The following VPS13A variants were observed in gnomAD, a reference collection of about 807,000 sequenced individuals.
VPS13A encodes the protein intermembrane lipid transfer protein VPS13A.
A neutral mutation model predicts 390.9 loss-of-function variants in VPS13A; 264 were observed. The ratio of observed to expected loss-of-function variants is 0.68; its 90% CI spans 0.61 to 0.75. VPS13A has a LOEUF of 0.75. Among genes scored for constraint, VPS13A ranks in the 30% least tolerant of loss-of-function variants. VPS13A has a pLI of 0.00. For synonymous variants in VPS13A, 1,231 were observed against 1,227.1 expected (o/e 1.00, Z -0.07); for missense variants, 3,409 against 3,733.9 (o/e 0.91, Z 2.27).
chr9:77,351,481 C>T, intron 53 of VPS13A, 35 bp downstream of exon 53: 1 of 1,608,296 alleles, frequency 6.2e-7, no homozygotes, highest in Non-Finnish European at 8.5e-7. Flanking sequence ...TCCCAGCAGC[C>T]TTTTTTAAAA....
chr9:77,184,807 A>C (rs114809060), intron 1 of VPS13A, among the ~76,000 whole-genome samples: 3,029 of 152,102 alleles, frequency 0.02, 66 homozygotes, highest in African/African-American at 0.055. Context: ...TATGTTTAGC[A>C]CTCAGTATCT....
chr9:77,278,571 A>G (rs1167730427), intron 26 of VPS13A, among the ~76,000 whole-genome samples: 1 of 152,228 alleles, frequency 6.6e-6, no homozygotes, highest in Non-Finnish European at 1.5e-5. Flanking sequence ...CAATGAATGA[A>G]TAAATGTGTA....
In VPS13A at chr9:77,286,794, C is replaced by A. The variant is rs114426511; in HGVS notation, c.3339+3144C>A. Among the ~76,000 whole-genome samples the A allele has an allele frequency of 5.7e-3, 873 of 152,162 alleles. 12 individuals carry two copies. The highest frequency in any genetic ancestry group is 0.02 in the African/African-American group (839 of 41,494). On this transcript the variant is annotated intron_variant, in intron 31 of 71. Transcript: ENST00000360280. ...TCTTGTTCTTAGGCTAGTTAGTTTC[C>A]GTTGAGAAAAATACTATTAAGTATA...
chr9:77,326,821 GT>G (rs1201320145), intron 45 of VPS13A, among the ~76,000 whole-genome samples: 1 of 151,972 alleles, frequency 6.6e-6, no homozygotes, highest in African/African-American at 2.4e-5. Context: ...CATTCTTCCT[GT>G]TTCTTTTAGA....
chr9:77,292,794 G>A lies in VPS13A; in HGVS notation c.3340-547G>A, dbSNP rs181399684. Among the ~76,000 whole-genome samples, 253 of 152,194 alleles carry A rather than the reference G, an allele frequency of 1.7e-3. 1 individual carries two copies. The highest frequency in any genetic ancestry group is 5.2e-3 in the East Asian group (27 of 5,180). On this transcript the variant is annotated intron_variant, in intron 31 of 71. Transcript: ENST00000360280. Reference sequence around the variant, plus strand: ...CACCATTTTTAACTGTTATTGCAGAGCTTGAGATTTTTAACCACTGTAGGT... The same window carrying A: ...CACCATTTTTAACTGTTATTGCAGAACTTGAGATTTTTAACCACTGTAGGT...
Position 77,356,707 on chromosome 9 carries a change from A to C in VPS13A, c.7653-7A>C, listed in dbSNP as rs1308688691. The C allele has an allele frequency of 6.2e-7, 1 of 1,604,426 alleles. No individual in the cohort carries two copies. On this transcript the variant is annotated splice_region_variant and splice_polypyrimidine_tract_variant and intron_variant, in intron 54 of 71. Coordinates refer to ENST00000360280, the MANE Select transcript of VPS13A (RefSeq NM_033305.3). The stretch of plus-strand genomic sequence containing the variant: ...TAAATACTATGATTTTTGCTTTCTT[A>C]AATAAGTTCTGATGTGGTTTGGGAA...
At chr9:77,178,743 C>T (rs1226180053) in intron 1 of VPS13A, among the ~76,000 whole-genome samples, 3 of 152,092 alleles carry the variant, frequency 2.0e-5, no homozygotes, top group East Asian at 1.9e-4. Flanking sequence ...TTTAAACACC[C>T]GCTAGAAATT....
intron 2 of VPS13A, among the ~76,000 whole-genome samples, chr9:77,200,464 G>T (rs1416977378): frequency 6.6e-6 from 1 of 152,148 alleles, no homozygotes; most frequent in Non-Finnish European, 1.5e-5. Context: ...ACTCCAGCCT[G>T]GGTGACAGAG....
At chr9:77,254,190 G>A (rs997860806) in intron 22 of VPS13A, among the ~76,000 whole-genome samples, 32 of 151,972 alleles carry the variant, frequency 2.1e-4, no homozygotes, top group Non-Finnish European at 1.5e-4. Context: ...TGATCCGCCC[G>A]CCTCGGCCTC....
chr9:77,219,164 C>CA (rs1554863045), intron 10 of VPS13A, among the ~76,000 whole-genome samples: 2 of 146,428 alleles, frequency 1.4e-5, no homozygotes, highest in African/African-American at 5.0e-5. Flanking sequence ...ATTTCTTCTG[C>CA]TTTTTTTTTT....
intron 24 of VPS13A, among the ~76,000 whole-genome samples, chr9:77,274,737 T>C (rs1310461889): frequency 2.6e-5 from 4 of 152,096 alleles, no homozygotes; most frequent in Admixed American, 6.6e-5. Context: ...AATTGATAAA[T>C]GTTAAATAAC....
At chr9:77,212,631 C>T (rs1826032653) in intron 7 of VPS13A, among the ~76,000 whole-genome samples, 2 of 152,240 alleles carry the variant, frequency 1.3e-5, no homozygotes, top group South Asian at 4.2e-4. Context: ...CCACTGCACC[C>T]AATGATACCT....
chr9:77,359,493 A>T (rs886429947), intron 58 of VPS13A, 91 bp downstream of exon 58: 1 of 1,128,510 alleles, frequency 8.9e-7, no homozygotes, highest in Non-Finnish European at 1.3e-6. Context: ...GGACAAGTCA[A>T]AGATTTAAGC....
At chr9:77,289,688 A>G (rs762227314) in intron 31 of VPS13A, among the ~76,000 whole-genome samples, 18 of 151,576 alleles carry the variant, frequency 1.2e-4, no homozygotes, top group Admixed American at 2.0e-4. Context: ...TTTTCTAAAG[A>G]TGTTTTATAT....
chr9:77,288,649 A>C (rs761304078), intron 31 of VPS13A, among the ~76,000 whole-genome samples: 1 of 152,132 alleles, frequency 6.6e-6, no homozygotes, highest in Non-Finnish European at 1.5e-5. Flanking sequence ...GTTCGTTTAA[A>C]TTTGTTGATG....
intron 71 of VPS13A, among the ~76,000 whole-genome samples, chr9:77,415,092 A>G (rs1438045504): frequency 1.3e-5 from 2 of 152,244 alleles, no homozygotes; most frequent in Admixed American, 1.3e-4. Context: ...ACCAGTCTTC[A>G]TATGCTTGTC....
chr9:77,374,769 T>C (rs1157310560), intron 67 of VPS13A, among the ~76,000 whole-genome samples: 1 of 152,214 alleles, frequency 6.6e-6, no homozygotes, highest in Non-Finnish European at 1.5e-5. Context: ...AGTTTCTTTA[T>C]TGTTACCTGT....
chr9:77,380,023 CT>C (rs1258083533), intron 67 of VPS13A, among the ~76,000 whole-genome samples: 1 of 151,876 alleles, frequency 6.6e-6, no homozygotes, highest in Non-Finnish European at 1.5e-5. Context: ...GTATTTGGGG[CT>C]TCTTTTATTA....
intron 35 of VPS13A, 22 bp downstream of exon 35, chr9:77,308,120 T>G (rs1396597949): frequency 6.2e-7 from 1 of 1,612,960 alleles, no homozygotes; most frequent in East Asian, 2.2e-5. Context: ...ACTTCAAATT[T>G]CTTTCTGCTT....
Sources: allele counts gnomAD v4.1 joint callset (sites outside exome capture counted in the v4.1 genomes callset), GRCh38; gene constraint gnomAD v4.1.1; transcripts MANE v1.5; gene names NCBI Gene and HGNC (gene_info 2026-07-23, HGNC 2026-07-21).